Variants in PCDH15 observed in about 807,000 individuals in gnomAD.
PCDH15 encodes protocadherin related 15.
A neutral mutation model predicts 178.5 loss-of-function variants in PCDH15; 129 were observed. That is an observed-to-expected ratio of 0.72 (90% confidence interval 0.63 to 0.84). The LOEUF (loss-of-function observed/expected upper bound fraction) is 0.84, where lower values mean the gene tolerates loss of function less well. PCDH15 is among the 40% of genes least tolerant of loss of function. The probability of loss-of-function intolerance (pLI) is 0.00; values close to 1 mark genes in which losing one functional copy is unlikely to be tolerated. For synonymous variants in PCDH15, 800 were observed against 732.0 expected (o/e 1.09, Z -1.50); for missense variants, 2,230 against 2,099.9 (o/e 1.06, Z -1.21).
chr10:53,961,982 T>G (rs889719281), intron 21 of PCDH15, 90 bp from the exon 22 acceptor site: 4 of 1,091,964 alleles, frequency 3.7e-6, no homozygotes, highest in Non-Finnish European at 1.4e-6. Context: ...AAATTCATGG[T>G]CTTTTAGAAG....
At chr10:54,843,784 A>C (rs1217344806) in intron 3 of PCDH15, among the ~76,000 whole-genome samples, 3 of 152,144 alleles carry the variant, frequency 2.0e-5, no homozygotes, top group African/African-American at 7.2e-5. Flanking sequence ...AAGCAATTGA[A>C]ATTTCTGAAC....
intron 13 of PCDH15, among the ~76,000 whole-genome samples, chr10:54,166,952 A>C (rs1404785015): frequency 6.6e-6 from 1 of 151,810 alleles, no homozygotes; most frequent in Non-Finnish European, 1.5e-5. Context: ...CAGAGAACAA[A>C]CCCCCTTTGA....
At chr10:54,419,282 C>T (rs1242435243) in intron 3 of PCDH15, among the ~76,000 whole-genome samples, 2 of 149,150 alleles carry the variant, frequency 1.3e-5, no homozygotes, top group Non-Finnish European at 3.0e-5. Flanking sequence ...ATATCAACAA[C>T]TCAAATCCAA....
chr10:54,196,130 A>T (rs2049610497), intron 10 of PCDH15, among the ~76,000 whole-genome samples: 1 of 151,918 alleles, frequency 6.6e-6, no homozygotes, highest in African/African-American at 2.4e-5. Context: ...GTAATAAATT[A>T]TTATTATTTT....
chr10:55,475,409 A>C (rs1242492727), intron 2 of PCDH15, among the ~76,000 whole-genome samples: 1 of 152,148 alleles, frequency 6.6e-6, no homozygotes, highest in Non-Finnish European at 1.5e-5. Flanking sequence ...TAAGATGCCC[A>C]ATTATTAAGG....
At position 55,550,640 on chromosome 10, in the gene PCDH15, A is replaced by AT. The variant is rs1389085060; in HGVS notation, c.-156+76984dup. On this transcript the variant is annotated intron_variant, in intron 2 of 5. Transcript: ENST00000613346. ...AAAAGACAAAATATTTTGCTCTATT[A>AT]TTTAAATTAGAAGCAAAAGGAATCT... 2.6e-5 allele frequency among the ~76,000 whole-genome samples: 4 copies of AT among 152,254 alleles called. No individual in the cohort carries two copies. The East Asian group carries it at 7.7e-4, about 29-fold the overall frequency.
intron 3 of PCDH15, among the ~76,000 whole-genome samples, chr10:54,380,246 T>C (rs1949015556): frequency 1.3e-5 from 2 of 152,006 alleles, no homozygotes; most frequent in Non-Finnish European, 2.9e-5. Flanking sequence ...ATGGCACATT[T>C]TTTGCACTTT....
intron 9 of PCDH15, among the ~76,000 whole-genome samples, chr10:54,225,607 C>T (rs1272459499): frequency 2.0e-5 from 3 of 152,172 alleles, no homozygotes; most frequent in Non-Finnish European, 4.4e-5. Flanking sequence ...TAAAACGCTA[C>T]TTTTATTGCC....
chr10:53,945,879 A>ATATATC (rs1554876196), intron 23 of PCDH15, among the ~76,000 whole-genome samples: 3 of 98,872 alleles, frequency 3.0e-5, no homozygotes, highest in African/African-American at 7.9e-5. Flanking sequence ...ATATATATAT[A>ATATATC]TATCACATTT....
chr10:54,207,596 C>T (rs1425233675), intron 10 of PCDH15, among the ~76,000 whole-genome samples: 1 of 151,938 alleles, frequency 6.6e-6, no homozygotes, highest in Admixed American at 6.6e-5. Flanking sequence ...TGTTGCTGTT[C>T]TCATGATGTG....
chr10:55,190,131 G>T (rs147364234), intron 1 of PCDH15, among the ~76,000 whole-genome samples: 19 of 151,770 alleles, frequency 1.3e-4, no homozygotes, highest in African/African-American at 4.1e-4. Context: ...TCAAGCAAAA[G>T]AATCCAGATA....
At position 55,172,288 on chromosome 10, in the gene PCDH15, G is replaced by T. The variant is rs74136378; in HGVS notation, c.-155-5637C>A. On this transcript the variant is annotated intron_variant, in intron 1 of 5. Coordinates refer to the PCDH15 transcript ENST00000458638. The stretch of plus-strand genomic sequence containing the variant: ...TATTTATTGGCATTATTTCTTAAAC[G>T]TAAGTACTCCTCTAATTAAAATATT... Among the ~76,000 whole-genome samples, 893 of 151,702 alleles carry T rather than the reference G, an allele frequency of 5.9e-3. 9 individuals carry two copies. The highest frequency in any genetic ancestry group is 0.021 in the African/African-American group (871 of 41,426).
chr10:54,326,786 C>A (rs959858693), intron 7 of PCDH15, among the ~76,000 whole-genome samples: 2 of 152,042 alleles, frequency 1.3e-5, no homozygotes, highest in African/African-American at 2.4e-5. Flanking sequence ...ATTGTTGAAT[C>A]AATGGTGATC....
At chr10:54,750,438 G>A (rs979671141) in intron 1 of PCDH15, among the ~76,000 whole-genome samples, 9 of 152,012 alleles carry the variant, frequency 5.9e-5, no homozygotes, top group African/African-American at 2.2e-4. Flanking sequence ...GTAAGTTAGG[G>A]CAAAGTTTTG....
At chr10:54,772,834 T>A (rs1006918661) in intron 1 of PCDH15, among the ~76,000 whole-genome samples, 1 of 152,168 alleles carries the variant, frequency 6.6e-6, no homozygotes, top group Non-Finnish European at 1.5e-5. Context: ...ATTGCAGCCA[T>A]ATTCACAATA....
At chr10:55,003,136 A>G (rs1455154181) in intron 2 of PCDH15, among the ~76,000 whole-genome samples, 4 of 152,142 alleles carry the variant, frequency 2.6e-5, no homozygotes, top group Non-Finnish European at 5.9e-5. Flanking sequence ...AAATAACCAA[A>G]TTTTATTGTC....
chr10:54,099,531 T>TATATATATATATAA (rs998333562), intron 15 of PCDH15, among the ~76,000 whole-genome samples: 2 of 129,670 alleles, frequency 1.5e-5, no homozygotes, highest in African/African-American at 5.9e-5. Flanking sequence ...TATATATATA[T>TATATATATATATAA]AAAACAAAAA....
At chr10:54,178,149 AG>A (rs1305200808) in intron 13 of PCDH15, among the ~76,000 whole-genome samples, 1 of 152,150 alleles carries the variant, frequency 6.6e-6, no homozygotes, top group Non-Finnish European at 1.5e-5. Flanking sequence ...TTTTCATAAA[AG>A]GGTATAGTTG....
intron 5 of PCDH15, among the ~76,000 whole-genome samples, chr10:54,353,111 T>G (rs558904127): frequency 2.5e-4 from 38 of 152,282 alleles, no homozygotes; most frequent in African/African-American, 9.1e-4. Flanking sequence ...CTACGATTAT[T>G]TATTGAGAAA....
Sources: allele counts gnomAD v4.1 joint callset (sites outside exome capture counted in the v4.1 genomes callset), GRCh38; gene constraint gnomAD v4.1.1; transcripts MANE v1.5; gene names NCBI Gene and HGNC (gene_info 2026-07-23, HGNC 2026-07-21).